The following YES1 variants were observed in gnomAD, a reference collection of about 807,000 sequenced individuals.
YES1 encodes YES proto-oncogene 1, Src family tyrosine kinase, also known as tyrosine-protein kinase Yes.
A neutral mutation model predicts 70.4 loss-of-function variants in YES1; 39 were observed. The observed-to-expected ratio is 0.55, with a 90% confidence interval of 0.43 to 0.72. The LOEUF (loss-of-function observed/expected upper bound fraction) is 0.72, where lower values mean the gene tolerates loss of function less well. YES1 is among the 30% of genes least tolerant of loss of function. The pLI is 0.00. For synonymous variants in YES1, 198 were observed against 218.6 expected, an observed-to-expected ratio of 0.91 and a Z score of 0.83; for missense variants, 495 against 644.8, an observed-to-expected ratio of 0.77 and a Z score of 2.52.
At chr18:783,411 ACG>A (rs1905776509) in intron 1 of YES1, among the ~76,000 whole-genome samples, 3 of 148,886 alleles carry the variant, frequency 2.0e-5, no homozygotes, top group South Asian at 2.1e-4. Context: ...ACACACACAC[ACG>A]GAAAAAATAA....
intron 1 of YES1, among the ~76,000 whole-genome samples, chr18:776,470 C>T (rs1160122830): frequency 1.3e-5 from 2 of 152,036 alleles, no homozygotes; most frequent in African/African-American, 4.8e-5. Context: ...GTTTACCGGA[C>T]ATTATCTTTT....
chr18:782,550 A>G (rs1905725735), intron 1 of YES1, among the ~76,000 whole-genome samples: 1 of 152,240 alleles, frequency 6.6e-6, no homozygotes, highest in African/African-American at 2.4e-5. Flanking sequence ...GAATTGTTTT[A>G]CTTAAGTGAA....
At chr18:728,736 G>A (rs2080050821) in intron 11 of YES1, among the ~76,000 whole-genome samples, 1 of 152,152 alleles carries the variant, frequency 6.6e-6, no homozygotes, top group South Asian at 2.1e-4. Flanking sequence ...ACATTGGCCA[G>A]GATGGTCTCA....
intron 1 of YES1, among the ~76,000 whole-genome samples, chr18:804,609 CAA>C (rs57896154): frequency 1.8e-4 from 7 of 38,780 alleles, no homozygotes; most frequent in African/African-American, 5.1e-4. Flanking sequence ...GACTGAGTCT[CAA>C]AAAAAAAAAA....
intron 11 of YES1, among the ~76,000 whole-genome samples, chr18:728,943 C>G (rs1301847728): frequency 6.6e-6 from 1 of 152,110 alleles, no homozygotes; most frequent in Non-Finnish European, 1.5e-5. Context: ...GTTTAATTTT[C>G]TTGTTTGAGG....
At chr18:797,682 C>T (rs1406653197) in intron 1 of YES1, among the ~76,000 whole-genome samples, 3 of 152,128 alleles carry the variant, frequency 2.0e-5, no homozygotes, top group Admixed American at 2.0e-4. Flanking sequence ...AAATGATAAA[C>T]ATCTTTTTAA....
At chr18:776,840 GGA>G (rs1905410778) in intron 1 of YES1, among the ~76,000 whole-genome samples, 1 of 152,008 alleles carries the variant, frequency 6.6e-6, no homozygotes, top group Non-Finnish European at 1.5e-5. Context: ...ACACTCCCTT[GGA>G]TACACCTGTC....
chr18:752,811 C>A (rs532803300), intron 2 of YES1, among the ~76,000 whole-genome samples: 1 of 151,924 alleles, frequency 6.6e-6, no homozygotes, highest in African/African-American at 2.4e-5. Flanking sequence ...GGCATGGTGG[C>A]GCATGCCTGT....
intron 1 of YES1, among the ~76,000 whole-genome samples, chr18:775,780 G>A (rs532048110): frequency 6.6e-6 from 1 of 151,982 alleles, no homozygotes; most frequent in East Asian, 1.9e-4. Context: ...CTGGGTGACA[G>A]AGTGAGAACT....
Position 771,592 on chromosome 18 carries a change from A to C in YES1, c.-8-14757T>G, listed in dbSNP as rs374658628. Among the ~76,000 whole-genome samples the C allele has an allele frequency of 6.6e-5, 10 of 152,324 alleles. 1 individual carries two copies. The South Asian group carries it at 2.1e-3, about 32-fold the overall frequency. ...GTGATGGGGTTTCACTTTGTCACACAGGCTGGAGTGCAGTGGCGCGATCAC... is the reference window on the plus strand; with the variant it reads ...GTGATGGGGTTTCACTTTGTCACACCGGCTGGAGTGCAGTGGCGCGATCAC... On this transcript the variant is annotated intron_variant, in intron 1 of 11. Transcript: ENST00000314574.
chr18:790,868 C>T (rs1352238963), intron 1 of YES1, among the ~76,000 whole-genome samples: 1 of 152,190 alleles, frequency 6.6e-6, no homozygotes, highest in African/African-American at 2.4e-5. Flanking sequence ...CAACAGATAT[C>T]TGGGGTTATC....
chr18:738,969 G>GC (rs991171705), intron 9 of YES1: 9 of 151,500 alleles, frequency 5.9e-5, no homozygotes, highest in Non-Finnish European at 8.8e-5. Flanking sequence ...GATTACAGGC[G>GC]CCCGCCACCA....
Position 748,684 on chromosome 18 carries a change from T to C in YES1, c.372-666A>G, listed in dbSNP as rs568425654. ...TGACTTCTTTTACTTGGCATAATTT[T>C]TTAAAGGTTCATCTAGGTTATAGCA... On this transcript the variant is annotated intron_variant, in intron 3 of 11. Coordinates refer to ENST00000314574, the MANE Select transcript of YES1 (RefSeq NM_005433.4). Among the ~76,000 whole-genome samples, 18 of 152,296 alleles carry C rather than the reference T, an allele frequency of 1.2e-4. 1 individual carries two copies. The highest frequency in any genetic ancestry group is 1.0e-3 in the South Asian group (5 of 4,824).
At chr18:727,008 C>G (rs1232568395) in intron 11 of YES1, among the ~76,000 whole-genome samples, 3 of 152,028 alleles carry the variant, frequency 2.0e-5, no homozygotes, top group Non-Finnish European at 4.4e-5. Flanking sequence ...TTTCCAAATC[C>G]TCTTAAAATC....
intron 1 of YES1, among the ~76,000 whole-genome samples, chr18:791,806 G>GCA (rs1568216498): frequency 2.6e-5 from 4 of 152,102 alleles, no homozygotes; most frequent in Non-Finnish European, 5.9e-5. Context: ...TGTAATCCCA[G>GCA]CACTTTGGGA....
intron 1 of YES1, among the ~76,000 whole-genome samples, chr18:807,225 T>G (rs1379490426): frequency 6.6e-6 from 1 of 151,764 alleles, no homozygotes; most frequent in African/African-American, 2.4e-5. Flanking sequence ...TCCCAGCTAC[T>G]CGGGAGGCTG....
intron 1 of YES1, among the ~76,000 whole-genome samples, chr18:809,334 C>G (rs1907255428): frequency 6.6e-6 from 1 of 152,074 alleles, no homozygotes; most frequent in African/African-American, 2.4e-5. Flanking sequence ...CAGTCTCACT[C>G]TGTTGCCCAG....
intron 11 of YES1, among the ~76,000 whole-genome samples, chr18:729,721 G>C (rs771487857): frequency 6.7e-6 from 1 of 149,376 alleles, no homozygotes; most frequent in Admixed American, 6.7e-5. Context: ...CCACCTCCTG[G>C]GTTCAAGCGA....
chr18:728,887 T>C (rs2080052904), intron 11 of YES1, among the ~76,000 whole-genome samples: 1 of 152,226 alleles, frequency 6.6e-6, no homozygotes. Flanking sequence ...TGTTTGGCTT[T>C]GATTTTTGTA....
Sources: allele counts gnomAD v4.1 joint callset (sites outside exome capture counted in the v4.1 genomes callset), GRCh38; gene constraint gnomAD v4.1.1; transcripts MANE v1.5; gene names NCBI Gene and HGNC (gene_info 2026-07-23, HGNC 2026-07-21).